The following PC variants were observed in gnomAD, a reference collection of about 807,000 sequenced individuals.
The protein encoded by PC is pyruvate carboxylase, also known as pyruvate carboxylase, mitochondrial.
A neutral mutation model predicts 107.8 loss-of-function variants in PC; 46 were observed. The ratio of observed to expected loss-of-function variants is 0.43; its 90% confidence interval spans 0.34 to 0.55. The LOEUF (loss-of-function observed/expected upper bound fraction) is 0.55, where lower values mean the gene tolerates loss of function less well. Ranked by LOEUF, PC falls within the 20% of genes least tolerant of loss-of-function variation. The probability of loss-of-function intolerance (pLI) is 0.04; values close to 1 mark genes in which losing one functional copy is unlikely to be tolerated. For missense variants in PC, 1,241 were observed against 1,643.1 expected, an observed-to-expected ratio of 0.76 and a Z score of 4.23; for synonymous variants, 662 against 684.7, an observed-to-expected ratio of 0.97 and a Z score of 0.52.
intron 3 of PC, among the ~76,000 whole-genome samples, chr11:66,896,204 G>C (rs1207571708): frequency 6.6e-6 from 1 of 151,996 alleles, no homozygotes; most frequent in Non-Finnish European, 1.5e-5. Context: ...TCAGCCTCTC[G>C]AGTAGCTGGG....
At chr11:66,885,966 C>T (rs376029991) in intron 3 of PC, among the ~76,000 whole-genome samples, 2 of 152,344 alleles carry the variant, frequency 1.3e-5, no homozygotes, top group Admixed American at 6.5e-5. Context: ...AAAAATACCC[C>T]CCTCTCATCC....
intron 3 of PC, among the ~76,000 whole-genome samples, chr11:66,902,813 T>C (rs1948009484): frequency 6.6e-6 from 1 of 152,252 alleles, no homozygotes; most frequent in Non-Finnish European, 1.5e-5. Context: ...ACAGTGGTGC[T>C]GCCCAGCCAA....
intron 12 of PC, chr11:66,860,125 G>A (rs1348271221): frequency 1.3e-6 from 2 of 1,550,678 alleles, no homozygotes; most frequent in Non-Finnish European, 1.7e-6. Flanking sequence ...TCTGTGCATG[G>A]GGGGCTGCTC....
chr11:66,878,312 G>T (rs950741360), intron 3 of PC, among the ~76,000 whole-genome samples: 9 of 152,186 alleles, frequency 5.9e-5, no homozygotes, highest in Admixed American at 5.9e-4. Context: ...GCACTTACCC[G>T]TGGTTTGTGG....
Position 66,849,752 on chromosome 11 carries a change from CA to C in PC, c.3005del (p.Val1002GlyfsTer32). On this transcript the variant is annotated frameshift_variant, in exon 21 of 23. Transcript: ENST00000393960. LOFTEE classifies it high-confidence loss of function. ...KELVDRHGEE[V>X]TPEDVLSAAM... The stretch of plus-strand genomic sequence containing the variant: ...CTGCTGAGAGCACATCTTCCGGCGT[CA>C]CCTCCTCCCCATGCCGGTCTACCAG... The C allele has an allele frequency of 6.2e-7, 1 of 1,614,226 alleles. No individual in the cohort carries two copies. The highest frequency in any genetic ancestry group is 8.5e-7 in the Non-Finnish European group (1 of 1,180,044).
intron 10 of PC, among the ~76,000 whole-genome samples, chr11:66,867,504 C>A (rs1396348932): frequency 1.3e-5 from 2 of 152,232 alleles, no homozygotes; most frequent in African/African-American, 2.4e-5. Context: ...CACTTCGCAG[C>A]AGAGATGACA....
At chr11:66,865,144 C>T (rs1263622012) in intron 11 of PC, among the ~76,000 whole-genome samples, 1 of 152,230 alleles carries the variant, frequency 6.6e-6, no homozygotes, top group Non-Finnish European at 1.5e-5. Flanking sequence ...CTTCCAGAAA[C>T]AGAAGGCAGG....
intron 3 of PC, among the ~76,000 whole-genome samples, chr11:66,943,970 CAAAAAAAAAA>C (rs145566931): frequency 8.9e-5 from 9 of 100,656 alleles, no homozygotes; most frequent in South Asian, 3.6e-4. Flanking sequence ...GAAACTGTCT[CAAAAAAAAAA>C]AAAAAAGAAA....
intron 12 of PC, among the ~76,000 whole-genome samples, chr11:66,861,979 G>A (rs1019784175): frequency 2.6e-5 from 4 of 152,146 alleles, no homozygotes; most frequent in Admixed American, 2.6e-4. Context: ...GGGAGCTGCT[G>A]AGGGTGAGGA....
chr11:66,914,475 C>T (rs747510101), intron 3 of PC, among the ~76,000 whole-genome samples: 6 of 150,710 alleles, frequency 4.0e-5, no homozygotes, highest in Non-Finnish European at 8.8e-5. Context: ...GGCGCCACTG[C>T]ACTCCAGTCT....
chr11:66,877,709 C>G (rs977803228), intron 3 of PC, among the ~76,000 whole-genome samples: 1 of 152,222 alleles, frequency 6.6e-6, no homozygotes, highest in East Asian at 1.9e-4. Context: ...AGATTCCACA[C>G]CCTGGCTCCC....
At position 66,858,044 on chromosome 11, in the gene PC, C is replaced by T. The variant is rs1187545120; in HGVS notation, c.1369-4661G>A. On this transcript the variant is annotated intron_variant, in intron 12 of 22. Transcript: ENST00000393960. This position sits in a 1 kb window ranked among gnomAD's most constrained non-coding sequence, Gnocchi z 5.9. ...TTGGGGACCTCGAGAGCCTGCGTTC[C>T]CTCCACCTTGACGGCAACAGGCTGG... 2 of 1,611,182 alleles carry T rather than the reference C, an allele frequency of 1.2e-6. No homozygotes were observed. The highest frequency in any genetic ancestry group is 1.7e-6 in the Non-Finnish European group (2 of 1,179,372).
In PC at chr11:66,849,616, A is replaced by T; in HGVS notation, c.3142T>A (p.Phe1048Ile). 1 of 1,613,896 alleles carries T rather than the reference A, an allele frequency of 6.2e-7. No individual in the cohort carries two copies. Among genetic ancestry groups the T allele is most frequent in the East Asian group, 2.2e-5 (1 of 44,878 alleles). ...FLQGPKIAEE[F>I]EVELERGKTL... The stretch of plus-strand genomic sequence containing the variant: ...GAAGCGCCAGAGCCACTGACCTCAA[A>T]CTCCTCTGCGATCTTGGGTCCCTGC... Residue 1048 changes from phenylalanine (F) to isoleucine (I), a missense_variant, in exon 21 of 23, where the codon TTT (phenylalanine) becomes ATT (isoleucine). Physicochemically the swap from Phe to Ile is conservative, Grantham distance 21 (BLOSUM62 0). Around this residue, in one of 2 missense-constraint regions of PC, gnomAD observed 1,143 missense variants for 1,551.9 expected, o/e 0.74. Coordinates refer to ENST00000393960, the MANE Select transcript of PC (RefSeq NM_001040716.2).
At chr11:66,898,196 G>A (rs932286090) in intron 3 of PC, among the ~76,000 whole-genome samples, 1 of 152,166 alleles carries the variant, frequency 6.6e-6, no homozygotes, top group South Asian at 2.1e-4. Flanking sequence ...GCAGCTGAGG[G>A]CCCTCAGTGG....
chr11:66,943,856 C>T (rs1268035639), intron 3 of PC, among the ~76,000 whole-genome samples: 3 of 147,408 alleles, frequency 2.0e-5, no homozygotes, highest in Admixed American at 1.4e-4. Context: ...TCGTGGCAGG[C>T]GCGTGTATTC....
rs2135943988 is a variant in PC, at chr11:66,872,083, G to A, written c.77C>T (p.Ser26Phe). 1 of 1,568,282 alleles carries A rather than the reference G, an allele frequency of 6.4e-7. No homozygotes were observed. Among genetic ancestry groups the A allele is most frequent in the Non-Finnish European group, 8.6e-7 (1 of 1,156,846 alleles). ...ATACTCCAGGCGCCGGACATTTGGG[G>A]AGGCAGCGGGGGCGGTGGAGGTTCG... is the stretch of plus-strand genomic sequence containing the variant. ...IRRTSTAPAA[S>F]PNVRRLEYKP... The change falls in exon 4 of 23, where the codon TCC becomes TTC. Residue 26 changes from serine to phenylalanine, a missense_variant. Coordinates refer to ENST00000393960, the MANE Select transcript of PC (RefSeq NM_001040716.2).
intron 3 of PC, among the ~76,000 whole-genome samples, chr11:66,877,391 C>T (rs1203501689): frequency 2.6e-5 from 4 of 151,962 alleles, no homozygotes; most frequent in Non-Finnish European, 4.4e-5. Context: ...ATCTCAAAAA[C>T]AAAACAAAAC....
chr11:66,948,661 G>A (rs1454163008), intron 3 of PC, among the ~76,000 whole-genome samples: 1 of 152,102 alleles, frequency 6.6e-6, no homozygotes, highest in African/African-American at 2.4e-5. Flanking sequence ...GCAATGTGGT[G>A]AAACCCCGTC....
intron 3 of PC, among the ~76,000 whole-genome samples, chr11:66,951,375 C>G (rs1047086269): frequency 6.6e-6 from 1 of 152,022 alleles, no homozygotes; most frequent in South Asian, 2.1e-4. Context: ...AGGGGACCGG[C>G]GGGAGGGCTG....
Sources: allele counts gnomAD v4.1 joint callset (sites outside exome capture counted in the v4.1 genomes callset), GRCh38; gene constraint gnomAD v4.1.1; regional missense constraint gnomAD v4.1.1; non-coding constraint Gnocchi (gnomAD v3.1); transcripts MANE v1.5; gene names NCBI Gene and HGNC (gene_info 2026-07-23, HGNC 2026-07-21).